Variants in NAPG observed in about 807,000 individuals in gnomAD.
NAPG encodes NSF attachment protein gamma, also known as gamma-soluble NSF attachment protein.
NAPG carries 25 observed loss-of-function variants against 48.4 expected under a neutral mutation model. That is an observed-to-expected ratio of 0.52 (90% CI 0.38 to 0.72). The LOEUF (loss-of-function observed/expected upper bound fraction) is 0.72, where lower values mean the gene tolerates loss of function less well. NAPG is among the 30% of genes least tolerant of loss of function. The pLI is 0.00. For synonymous variants in NAPG, 139 were observed against 127.2 expected, an observed-to-expected ratio of 1.09 and a Z score of -0.62; for missense variants, 359 against 372.5, an observed-to-expected ratio of 0.96 and a Z score of 0.30.
At position 10,552,239 on chromosome 18, in the gene NAPG, G is replaced by A. The variant is rs1469820185; in HGVS notation, c.*2019G>A. ...AAGTGCATTCTGTAGCAGCAGCGCAGCTATGCTTTAAACCACACAAAAGGC... is the reference window on the plus strand; with the variant it reads ...AAGTGCATTCTGTAGCAGCAGCGCAACTATGCTTTAAACCACACAAAAGGC... On this transcript the variant is annotated 3_prime_UTR_variant, in exon 12 of 12. Coordinates refer to ENST00000322897, the MANE Select transcript of NAPG (RefSeq NM_003826.3). 1 of 152,202 alleles carries A rather than the reference G, an allele frequency of 6.6e-6. No homozygotes were observed. Among genetic ancestry groups the A allele is most frequent in the Non-Finnish European group, 1.5e-5 (1 of 68,038 alleles). 9.4% of individuals were successfully genotyped at this position (152,202 alleles called of 1,614,324 possible). A position where few individuals can be genotyped will look rare whatever the true frequency, so the allele number is the denominator to read the frequency against.
At chr18:10,537,046 T>G (rs940669786) in intron 5 of NAPG, among the ~76,000 whole-genome samples, 1 of 150,490 alleles carries the variant, frequency 6.6e-6, no homozygotes, top group Non-Finnish European at 1.5e-5. Flanking sequence ...AGCCTCAACC[T>G]CCTGGGCTCA....
Position 10,530,790 on chromosome 18 carries a change from AATG to A in NAPG, c.78_80del (p.Trp27del), listed in dbSNP as rs748302052. On this transcript the variant is annotated inframe_deletion, in exon 2 of 12. Transcript: ENST00000322897. ...TCTAGCCTGAAAACTGGTTTTTTAAAATGGAAGCCAGATTATGACAGTGCCGCT... is the reference window on the plus strand; with the variant it reads ...TCTAGCCTGAAAACTGGTTTTTTAAAGAAGCCAGATTATGACAGTGCCGCT... 2 of 1,581,310 alleles carry A rather than the reference AATG, an allele frequency of 1.3e-6. No homozygotes were observed. Among genetic ancestry groups the A allele is most frequent in the African/African-American group, 2.7e-5 (2 of 73,662 alleles).
At chr18:10,527,541 A>C (rs1049881634) in intron 1 of NAPG, among the ~76,000 whole-genome samples, 2 of 152,222 alleles carry the variant, frequency 1.3e-5, no homozygotes, top group Admixed American at 6.5e-5. Flanking sequence ...TGTGTGGAAT[A>C]GGGACCACAA....
chr18:10,537,155 C>T lies in NAPG; in HGVS notation c.259-2607C>T, dbSNP rs116820126. Among the ~76,000 whole-genome samples, 1,008 of 152,004 alleles carry T rather than the reference C, an allele frequency of 6.6e-3. 11 individuals carry two copies. The highest frequency in any genetic ancestry group is 0.022 in the African/African-American group (919 of 41,440). On this transcript the variant is annotated intron_variant, in intron 5 of 11. Coordinates refer to ENST00000322897, the MANE Select transcript of NAPG (RefSeq NM_003826.3). ...AATTTTTTTGGTAGAGACTGGTTCT[C>T]GCTGTTTTTCCCAGGCTGGGCTCAA...
chr18:10,527,665 G>A (rs1258862733), intron 1 of NAPG, among the ~76,000 whole-genome samples: 1 of 152,204 alleles, frequency 6.6e-6, no homozygotes, highest in Non-Finnish European at 1.5e-5. Flanking sequence ...GAATGTTTTA[G>A]ACGGAGGGAA....
rs2032315520 is a variant in NAPG, at chr18:10,548,516, C to G, written c.665+138C>G. On this transcript the variant is annotated intron_variant, in intron 10 of 11. Transcript: ENST00000322897. The surrounding 1 kb of genome is among the most constrained non-coding windows in gnomAD (Gnocchi z 4.4). The stretch of plus-strand genomic sequence containing the variant: ...TAGGAGTGCTCATCTACCATTTCAT[C>G]TTTTACAGTGGGTGTTTTACACCTT... 1.6e-6 allele frequency: 1 copy of G among 640,118 alleles called. No individual in the cohort carries two copies. Among genetic ancestry groups the G allele is most frequent in the Admixed American group, 3.0e-5 (1 of 33,008 alleles). 39.7% of individuals were successfully genotyped at this position (640,118 alleles called of 1,614,324 possible).
intron 2 of NAPG, among the ~76,000 whole-genome samples, chr18:10,532,318 T>C (rs1330527474): frequency 6.6e-6 from 1 of 152,206 alleles, no homozygotes; most frequent in Non-Finnish European, 1.5e-5. Flanking sequence ...TTCTACCTAA[T>C]CGAATGACCT....
rs188338612 is a variant in NAPG at position 10,533,522 on chromosome 18, T to A, written c.210-14T>A. ...TCTTTTTTCCTTAACTTTGACTTCG[T>A]TACTTCCATTCAGTCTTTTTCATGC... On this transcript the variant is annotated splice_polypyrimidine_tract_variant and intron_variant, in intron 3 of 11. Transcript: ENST00000322897. 26 of 1,595,208 alleles carry A rather than the reference T, an allele frequency of 1.6e-5. No homozygotes were observed. In the East Asian group the frequency reaches 4.5e-4, roughly 28 times the overall value.
At chr18:10,538,313 C>T (rs1433662310) in intron 5 of NAPG, among the ~76,000 whole-genome samples, 1 of 152,184 alleles carries the variant, frequency 6.6e-6, no homozygotes, top group Non-Finnish European at 1.5e-5. Context: ...GGTGCATGCT[C>T]ATGTGGCGGG....
chr18:10,538,591 A>G (rs2032083142), intron 5 of NAPG, among the ~76,000 whole-genome samples: 1 of 152,180 alleles, frequency 6.6e-6, no homozygotes, highest in Non-Finnish European at 1.5e-5. Context: ...AGTAAAGAGC[A>G]AGGTTTTTGG....
intron 1 of NAPG, among the ~76,000 whole-genome samples, chr18:10,528,784 A>T (rs1337809385): frequency 6.6e-6 from 1 of 151,970 alleles, no homozygotes; most frequent in Non-Finnish European, 1.5e-5. Flanking sequence ...TGGGGCGGGG[A>T]GGTGTGGAGT....
rs900551499 is a variant in NAPG at position 10,542,653 on chromosome 18, A to C, written c.506+2254A>C. Among the ~76,000 whole-genome samples the C allele has an allele frequency of 1.4e-4, 21 of 152,226 alleles. No homozygotes were observed. The highest frequency in any genetic ancestry group is 4.8e-4 in the African/African-American group (20 of 41,452). ...ATAGACTGTGTGGCATGGAGTCTAA[A>C]GTTTTATGTTTGTTATATTTAGTTA... On this transcript the variant is annotated intron_variant, in intron 8 of 11. Coordinates refer to ENST00000322897, the MANE Select transcript of NAPG (RefSeq NM_003826.3). This position sits in a 1 kb window ranked among gnomAD's most constrained non-coding sequence, Gnocchi z 4.5.
chr18:10,530,791 A>G lies in NAPG; in HGVS notation c.78A>G (p.Lys26=). 6.3e-7 allele frequency: 1 copy of G among 1,582,410 alleles called. No homozygotes were observed. The highest frequency in any genetic ancestry group is 2.3e-5 in the East Asian group (1 of 44,132). ...CTAGCCTGAAAACTGGTTTTTTAAA[A>G]TGGAAGCCAGATTATGACAGTGCCG... ...AEKYLKTGFL[K]WKPDYDSAAS... The change falls in exon 2 of 12, where the codon AAA becomes AAG. Residue 26 remains lysine (K), a synonymous_variant. Transcript: ENST00000322897.
chr18:10,526,266 C>T, intron 1 of NAPG, 108 bp downstream of exon 1: 1 of 744,940 alleles, frequency 1.3e-6, no homozygotes, highest in South Asian at 1.5e-5. Context: ...GGCTGAGGGG[C>T]CTCGGCGCGC....
At chr18:10,545,497 C>T (rs2032244481) in intron 8 of NAPG, among the ~76,000 whole-genome samples, 1 of 152,160 alleles carries the variant, frequency 6.6e-6, no homozygotes, top group South Asian at 2.1e-4. Flanking sequence ...CTCCCATAAC[C>T]GTGGACTGTT....
chr18:10,531,322 A>G (rs1479896338), intron 2 of NAPG, among the ~76,000 whole-genome samples: 1 of 152,198 alleles, frequency 6.6e-6, no homozygotes, highest in Non-Finnish European at 1.5e-5. Context: ...GTGTTAAGCT[A>G]TATACATATT....
chr18:10,535,162 TA>T (rs1211701572), intron 5 of NAPG, among the ~76,000 whole-genome samples: 1 of 152,240 alleles, frequency 6.6e-6, no homozygotes, highest in African/African-American at 2.4e-5. Context: ...TACTTTCAAG[TA>T]TTTATTATAA....
chr18:10,533,160 G>T, intron 3 of NAPG: 1 of 250,864 alleles, frequency 4.0e-6, no homozygotes, highest in East Asian at 8.0e-5. Context: ...GTTTTCCTTA[G>T]GTATTTGAAA....
chr18:10,539,629 T>C lies in NAPG; in HGVS notation c.259-133T>C. The C allele has an allele frequency of 1.4e-6, 1 of 725,368 alleles. No homozygotes were observed. The highest frequency in any genetic ancestry group is 2.3e-6 in the Non-Finnish European group (1 of 427,906). 44.9% of individuals were successfully genotyped at this position (725,368 alleles called of 1,614,324 possible). A position where few individuals can be genotyped will look rare whatever the true frequency, so the allele number is the denominator to read the frequency against. The stretch of plus-strand genomic sequence containing the variant: ...AACCACCATGGGACATGTATACCTA[T>C]GTAACAAACCTGCACATTCTGCACA... On this transcript the variant is annotated intron_variant, in intron 5 of 11. Coordinates refer to ENST00000322897, the MANE Select transcript of NAPG (RefSeq NM_003826.3). The surrounding 1 kb of genome is among the most constrained non-coding windows in gnomAD (Gnocchi z 4.7).
Sources: gnomAD v4.1 joint callset for allele counts (sites outside exome capture counted in the v4.1 genomes callset) on GRCh38, gnomAD v4.1.1 for gene constraint, Gnocchi (gnomAD v3.1) non-coding constraint, MANE v1.5 for transcripts, NCBI Gene and HGNC (gene_info 2026-07-23, HGNC 2026-07-21) for gene names.